The following ZNF600 variants were observed in gnomAD, a reference collection of about 807,000 sequenced individuals.
The protein encoded by ZNF600 is zinc finger protein KR-ZNF1.
A neutral mutation model predicts 7.3 loss-of-function variants in ZNF600; 4 were observed. That is an observed-to-expected ratio of 0.55 (90% confidence interval 0.27 to 1.25). The LOEUF is 1.25. Ranked by LOEUF, ZNF600 falls within the 50% of genes most tolerant of loss-of-function variation. ZNF600 has a pLI of 0.12. For synonymous variants in ZNF600, 290 were observed against 308.9 expected (o/e 0.94, Z 0.64); for missense variants, 911 against 922.1 (o/e 0.99, Z 0.16).
At chr19:52,799,034 G>A in the ZNF600 span, 2 of 598,314 alleles carry the variant, frequency 3.3e-6, no homozygotes, top group Non-Finnish European at 5.6e-6. Context: ...TTTTTCTCCA[G>A]TATGAATTCT....
At chr19:52,809,883 T>A in the ZNF600 span, 1 of 752,344 alleles carries the variant, frequency 1.3e-6, no homozygotes, top group Non-Finnish European at 2.3e-6. Flanking sequence ...CGGTCCGGGA[T>A]CCAGGCCGGG....
the ZNF600 span, among the ~76,000 whole-genome samples, chr19:52,806,857 G>A: frequency 6.6e-6 from 1 of 152,060 alleles, no homozygotes; most frequent in African/African-American, 2.4e-5. Flanking sequence ...AGCCAAGATC[G>A]TACCAGTGCA....
the ZNF600 span, among the ~76,000 whole-genome samples, chr19:52,821,921 TA>T: frequency 2.0e-4 from 22 of 108,012 alleles, no homozygotes; most frequent in Non-Finnish European, 3.7e-4. Context: ...AATAAAAAAA[TA>T]AAAAAATAAT....
At chr19:52,810,830 A>T in the ZNF600 span, 95 of 261,326 alleles carry the variant, frequency 3.6e-4, 2 homozygotes, top group East Asian at 3.0e-4. Flanking sequence ...ATATATTTTT[A>T]AAAAAAGAGT....
At chr19:52,794,242 G>C in the ZNF600 span, among the ~76,000 whole-genome samples, 180 of 152,208 alleles carry the variant, frequency 1.2e-3, 1 homozygote, top group African/African-American at 4.0e-3. Flanking sequence ...TTCCATTCCG[G>C]TATTTGTGGG....
the ZNF600 span, among the ~76,000 whole-genome samples, chr19:52,823,471 C>T: frequency 1.6e-4 from 25 of 152,144 alleles, no homozygotes; most frequent in Admixed American, 1.6e-3. Context: ...CCACCTTAGC[C>T]TCCCAAAGTG....
At chr19:52,817,853 A>T in the ZNF600 span, 2 of 1,593,202 alleles carry the variant, frequency 1.3e-6, no homozygotes, top group Non-Finnish European at 1.7e-6. Context: ...ATCAGGCAGG[A>T]CACTTCAGAC....
the ZNF600 span, among the ~76,000 whole-genome samples, chr19:52,830,362 C>T: frequency 0.28 from 42,026 of 152,008 alleles, 7,317 homozygotes; most frequent in African/African-American, 0.49. Context: ...ACAGTGTTCA[C>T]GTACATGACC....
At chr19:52,829,307 T>C in the ZNF600 span, among the ~76,000 whole-genome samples, 5 of 152,014 alleles carry the variant, frequency 3.3e-5, no homozygotes, top group South Asian at 2.1e-4. Context: ...GCTGGTGCGC[T>C]GCACCCACTA....
the ZNF600 span, chr19:52,798,597 CA>C: frequency 3.0e-5 from 14 of 473,322 alleles, no homozygotes; most frequent in African/African-American, 2.8e-4. Flanking sequence ...ACAATCATCA[CA>C]CTTGTGAGTT....
chr19:52,811,783 G>A, the ZNF600 span, among the ~76,000 whole-genome samples: 10 of 148,620 alleles, frequency 6.7e-5, no homozygotes, highest in Admixed American at 3.3e-4. Flanking sequence ...CCCCCCGCCC[G>A]GCCAGCCGCC....
chr19:52,793,050 T>A, the ZNF600 span, among the ~76,000 whole-genome samples: 1 of 152,142 alleles, frequency 6.6e-6, no homozygotes, highest in Non-Finnish European at 1.5e-5. Context: ...CCAATCCTCT[T>A]AAACACTTTA....
chr19:52,789,151 C>T (rs904734983), upstream of ZNF600, among the ~76,000 whole-genome samples: 1 of 152,172 alleles, frequency 6.6e-6, no homozygotes, highest in Non-Finnish European at 1.5e-5. Flanking sequence ...AGAACAAAGA[C>T]TTAGGGAAGA....
chr19:52,784,445 TAA>T (rs1467266588), intron 1 of ZNF600, among the ~76,000 whole-genome samples: 1 of 152,096 alleles, frequency 6.6e-6, no homozygotes, highest in Non-Finnish European at 1.5e-5. Flanking sequence ...TATTATGTAA[TAA>T]GAGAAAGTGA....
the ZNF600 span, among the ~76,000 whole-genome samples, chr19:52,812,609 C>A: frequency 1.5e-5 from 2 of 129,180 alleles, no homozygotes; most frequent in African/African-American, 3.2e-5. Flanking sequence ...ATCTCAAGTA[C>A]CCAGGGACAC....
At chr19:52,764,662 C>T (rs1301709868) in exon 4 of ZNF600, 2 of 152,020 alleles carry the variant, frequency 1.3e-5, no homozygotes, top group African/African-American at 4.8e-5. Flanking sequence ...GGACTACAGG[C>T]ACCTGCCACC....
intron 3 of ZNF600, among the ~76,000 whole-genome samples, chr19:52,771,008 T>C (rs1444940223): frequency 6.6e-6 from 1 of 152,076 alleles, no homozygotes; most frequent in African/African-American, 2.4e-5. Context: ...TCATTTTGTA[T>C]TTTTAGTAGA....
At chr19:52,800,468 T>C in the ZNF600 span, 1 of 1,613,484 alleles carries the variant, frequency 6.2e-7, no homozygotes, top group East Asian at 2.2e-5. Flanking sequence ...CAGTATGAAG[T>C]CTATGATGGC....
the ZNF600 span, chr19:52,799,949 C>A: frequency 6.2e-7 from 1 of 1,613,832 alleles, no homozygotes; most frequent in South Asian, 1.1e-5. Flanking sequence ...TGTAAGGTTT[C>A]TCTCCAGTAT....
Sources: gnomAD v4.1 joint callset for allele counts (sites outside exome capture counted in the v4.1 genomes callset) on GRCh38, gnomAD v4.1.1 for gene constraint, MANE v1.5 for transcripts, NCBI Gene and HGNC (gene_info 2026-07-23, HGNC 2026-07-21) for gene names.